Variants in UBR3 observed in about 807,000 individuals in gnomAD.
UBR3 encodes ubiquitin protein ligase E3 component n-recognin 3, also known as E3 ubiquitin-protein ligase UBR3.
Under a neutral mutation model 243.2 loss-of-function variants are expected in UBR3, and 85 were observed. That is an observed-to-expected ratio of 0.35 (90% CI 0.29 to 0.42). The LOEUF (loss-of-function observed/expected upper bound fraction) is 0.42. Among genes scored for constraint, UBR3 ranks in the 10% least tolerant of loss-of-function variants. UBR3 has a pLI of 1.00. For missense variants in UBR3, 1,686 were observed against 2,300.8 expected (o/e 0.73, Z 5.47); for synonymous variants, 748 against 799.8 (o/e 0.94, Z 1.09).
intron 18 of UBR3, 50 bp downstream of exon 18, chr2:169,928,918 G>T (rs920861705): frequency 3.4e-5 from 44 of 1,297,542 alleles, no homozygotes; most frequent in Non-Finnish European, 4.2e-5. Context: ...TTCTTGAATG[G>T]TGAATTCTTC....
intron 2 of UBR3, 130 bp from the exon 3 acceptor site, chr2:169,875,661 T>C (rs1256551439): frequency 2.2e-6 from 2 of 921,852 alleles, no homozygotes; most frequent in East Asian, 5.9e-5. Context: ...AGTTCTTGTA[T>C]TGACTTTTTT....
chr2:170,029,091 TAGG>T (rs2090605103), intron 30 of UBR3, among the ~76,000 whole-genome samples: 1 of 152,008 alleles, frequency 6.6e-6, no homozygotes, highest in Admixed American at 6.6e-5. Context: ...ATGTCTGTGA[TAGG>T]AGATGAGGAA....
chr2:169,875,751 A>G (rs1222959089), intron 2 of UBR3, 40 bp from the exon 3 acceptor site: 5 of 1,469,126 alleles, frequency 3.4e-6, no homozygotes, highest in Non-Finnish European at 4.5e-6. Context: ...ATTTTAAACA[A>G]AATTACCCTT....
In UBR3 at chr2:169,896,604, A is replaced by G. The variant is rs1217371236; in HGVS notation, c.1334A>G (p.His445Arg). 6.4e-7 allele frequency: 1 copy of G among 1,551,110 alleles called. No individual in the cohort carries two copies. The highest frequency in any genetic ancestry group is 8.7e-7 in the Non-Finnish European group (1 of 1,146,684). Residue 445 changes from histidine (H) to arginine (R), a missense_variant, in exon 8 of 39, where the codon CAT becomes CGT. By Grantham distance (29) the His-to-Arg change is conservative (BLOSUM62 0). Transcript: ENST00000272793. ...ESDTMSNRIV[H>R]ISVQLFSNEE... The stretch of plus-strand genomic sequence containing the variant: ...GACACAATGTCTAACAGAATTGTGC[A>G]TATTAGTGTTCAGTTGTTCAGCAAT...
chr2:169,900,550 G>A (rs1243277435), intron 8 of UBR3, among the ~76,000 whole-genome samples: 1 of 152,142 alleles, frequency 6.6e-6, no homozygotes, highest in Non-Finnish European at 1.5e-5. Context: ...TGGTGTTTTA[G>A]TCATGCAGTC....
intron 1 of UBR3, among the ~76,000 whole-genome samples, chr2:169,832,524 G>T (rs867945984): frequency 6.6e-6 from 1 of 151,804 alleles, no homozygotes; most frequent in Non-Finnish European, 1.5e-5. Flanking sequence ...GTGAGATCCC[G>T]CCACTGCACT....
At chr2:170,071,803 G>T (rs2091703248) in intron 35 of UBR3, among the ~76,000 whole-genome samples, 1 of 152,120 alleles carries the variant, frequency 6.6e-6, no homozygotes. Flanking sequence ...GCAGACATTT[G>T]TTGAACGTCT....
intron 1 of UBR3, among the ~76,000 whole-genome samples, chr2:169,847,937 T>C (rs6706089): frequency 2.6e-5 from 4 of 151,196 alleles, no homozygotes; most frequent in Non-Finnish European, 5.9e-5. Flanking sequence ...TTTCTGGGAT[T>C]ATTTCTCTGT....
At chr2:169,872,910 G>A (rs2083478317) in intron 2 of UBR3, among the ~76,000 whole-genome samples, 1 of 151,998 alleles carries the variant, frequency 6.6e-6, no homozygotes, top group Non-Finnish European at 1.5e-5. Context: ...AATTACAGAT[G>A]TTCTTCTTAC....
intron 1 of UBR3, among the ~76,000 whole-genome samples, chr2:169,852,600 T>C (rs1282624174): frequency 6.6e-6 from 1 of 150,720 alleles, no homozygotes; most frequent in Non-Finnish European, 1.5e-5. Context: ...CCCAGCACTT[T>C]GGGAGGCCAA....
chr2:169,913,601 A>G (rs1302537107), intron 10 of UBR3, among the ~76,000 whole-genome samples: 1 of 152,166 alleles, frequency 6.6e-6, no homozygotes, highest in African/African-American at 2.4e-5. Context: ...TGTAAAATAC[A>G]TATAACATTT....
intron 19 of UBR3, among the ~76,000 whole-genome samples, chr2:169,936,574 A>T (rs1209964747): frequency 6.6e-6 from 1 of 151,880 alleles, no homozygotes; most frequent in African/African-American, 2.4e-5. Flanking sequence ...CACAATGTGC[A>T]GGTTTCTTAC....
rs1419333438 is a variant in UBR3 at position 169,906,149 on chromosome 2, A to G, written c.1764A>G (p.Ser588=). 14 of 1,544,658 alleles carry G rather than the reference A, an allele frequency of 9.1e-6. No homozygotes were observed. The highest frequency in any genetic ancestry group is 6.1e-5 in the Admixed American group (3 of 48,876). The change falls in exon 10 of 39, where the codon TCA becomes TCG. Residue 588 remains serine, a synonymous_variant. Transcript: ENST00000272793. The part of the protein sequence containing the change: ...ACAQPMWGLL[S]HCKVRETQEY... The stretch of plus-strand genomic sequence containing the variant: ...CACAGCCAATGTGGGGGCTTTTATC[A>G]CATTGTAAAGTTAGGGTATGTTGGA...
chr2:169,901,413 TAGC>T (rs1277357045), intron 8 of UBR3, among the ~76,000 whole-genome samples: 13 of 152,304 alleles, frequency 8.5e-5, no homozygotes, highest in African/African-American at 3.1e-4. Flanking sequence ...CTTTCAGTAG[TAGC>T]ATAAGATATC....
At chr2:169,836,311 C>T (rs926305410) in intron 1 of UBR3, among the ~76,000 whole-genome samples, 5 of 151,380 alleles carry the variant, frequency 3.3e-5, no homozygotes, top group African/African-American at 1.2e-4. Flanking sequence ...TCTCGAACTC[C>T]TGACCTCCGG....
chr2:169,909,118 C>T (rs73011802), intron 10 of UBR3, among the ~76,000 whole-genome samples: 6,623 of 152,196 alleles, frequency 0.044, 165 homozygotes, highest in Middle Eastern at 0.068. Context: ...CCACCACGCC[C>T]GGCCTTGATT....
At chr2:169,944,528 A>G (rs1163958261) in intron 20 of UBR3, among the ~76,000 whole-genome samples, 1 of 152,184 alleles carries the variant, frequency 6.6e-6, no homozygotes, top group East Asian at 1.9e-4. Flanking sequence ...CAACTTTAAA[A>G]TAACTTTCTT....
At position 170,006,997 on chromosome 2, in the gene UBR3, A is replaced by G; in HGVS notation, c.4037A>G (p.Gln1346Arg). The G allele has an allele frequency of 6.2e-7, 1 of 1,611,596 alleles. No homozygotes were observed. The highest frequency in any genetic ancestry group is 8.5e-7 in the Non-Finnish European group (1 of 1,179,466). Residue 1346 changes from glutamine to arginine, a missense_variant, in exon 28 of 39, where the codon CAG becomes CGG. Physicochemically the swap from Gln to Arg is conservative, Grantham distance 43. Around this residue, in one of 8 missense-constraint regions of UBR3, gnomAD observed 156 missense variants for 246.3 expected, o/e 0.63. Coordinates refer to ENST00000272793, the MANE Select transcript of UBR3 (RefSeq NM_172070.4). ...GTTTATTTCGTCTTTTAGAATGACC[A>G]GGTTCTTCAGGGCTTCTCGGTGGAC... Reference protein sequence around the residue: ...KSYMESLRNDQVLQGFSVDKG... With the variant: ...KSYMESLRNDRVLQGFSVDKG...
intron 32 of UBR3, among the ~76,000 whole-genome samples, chr2:170,054,055 C>T (rs914870166): frequency 6.6e-6 from 1 of 152,136 alleles, no homozygotes; most frequent in Non-Finnish European, 1.5e-5. Context: ...TATTAAGTAC[C>T]TAATATGTGC....
Sources: allele counts gnomAD v4.1 joint callset (sites outside exome capture counted in the v4.1 genomes callset), GRCh38; gene constraint gnomAD v4.1.1; regional missense constraint gnomAD v4.1.1; transcripts MANE v1.5; gene names NCBI Gene and HGNC (gene_info 2026-07-23, HGNC 2026-07-21).